Variants in P2RY12 observed in about 807,000 individuals in gnomAD.
P2RY12 encodes P2Y purinoceptor 12.
A neutral mutation model predicts 4.5 loss-of-function variants in P2RY12; 3 were observed. The observed-to-expected ratio is 0.67, with a 90% confidence interval of 0.31 to 1.74. The LOEUF (loss-of-function observed/expected upper bound fraction) is 1.74. Among genes scored for constraint, P2RY12 ranks in the 40% most tolerant of loss-of-function variants. P2RY12 has a pLI of 0.09. For missense variants in P2RY12, 356 were observed against 407.8 expected (o/e 0.87, Z 1.09); for synonymous variants, 148 against 154.1 (o/e 0.96, Z 0.29).
intron 1 of P2RY12, among the ~76,000 whole-genome samples, chr3:151,380,624 A>G (rs893291826): frequency 6.6e-6 from 1 of 151,496 alleles, no homozygotes; most frequent in African/African-American, 2.4e-5. Flanking sequence ...AACAACTAGT[A>G]AGGTTACAAA....
chr3:151,341,226 A>T (rs1271734880), intron 1 of P2RY12, among the ~76,000 whole-genome samples: 1 of 152,098 alleles, frequency 6.6e-6, no homozygotes, highest in Non-Finnish European at 1.5e-5. Context: ...CCCTTGGTTA[A>T]TAATGTCATT....
At chr3:151,376,565 G>C (rs1756877802) in intron 1 of P2RY12, among the ~76,000 whole-genome samples, 1 of 152,146 alleles carries the variant, frequency 6.6e-6, no homozygotes, top group East Asian at 1.9e-4. Context: ...TTTAGTTTCA[G>C]TGCATAGCTG....
intron 1 of P2RY12, among the ~76,000 whole-genome samples, chr3:151,345,504 C>T (rs201841274): frequency 6.9e-6 from 1 of 143,956 alleles, no homozygotes; most frequent in Non-Finnish European, 1.5e-5. Context: ...CGTTTTCTTT[C>T]TTTTTTCTTT....
At chr3:151,379,692 A>G (rs542787728) in intron 1 of P2RY12, among the ~76,000 whole-genome samples, 1 of 152,230 alleles carries the variant, frequency 6.6e-6, no homozygotes. Context: ...ACAGACATAT[A>G]TATAGGCCTG....
At chr3:151,360,723 C>T in intron 1 of P2RY12, 4 of 939,864 alleles carry the variant, frequency 4.3e-6, no homozygotes, top group South Asian at 1.7e-5. Flanking sequence ...ATCTATTAGG[C>T]AGTAATTTTG....
intron 1 of P2RY12, among the ~76,000 whole-genome samples, chr3:151,341,903 G>C (rs1322738631): frequency 5.9e-5 from 9 of 152,098 alleles, no homozygotes; most frequent in Non-Finnish European, 1.2e-4. Context: ...CAAAGGACAT[G>C]AACTCATCAT....
At chr3:151,344,111 T>C (rs149423230) in intron 1 of P2RY12, among the ~76,000 whole-genome samples, 481 of 152,230 alleles carry the variant, frequency 3.2e-3, no homozygotes, top group African/African-American at 0.011. Context: ...ATGCCGTCTT[T>C]TGTGACCTAG....
intron 1 of P2RY12, among the ~76,000 whole-genome samples, chr3:151,344,053 G>A (rs1165205371): frequency 3.3e-5 from 5 of 152,046 alleles, no homozygotes; most frequent in African/African-American, 1.2e-4. Flanking sequence ...ATACCAACAG[G>A]TTCCAAAAGT....
At chr3:151,378,942 T>G (rs1395712270) in intron 1 of P2RY12, among the ~76,000 whole-genome samples, 2 of 152,236 alleles carry the variant, frequency 1.3e-5, no homozygotes, top group Non-Finnish European at 2.9e-5. Flanking sequence ...AATCATGTGG[T>G]AGGTACTCTC....
chr3:151,364,536 C>T (rs942136649), intron 1 of P2RY12, among the ~76,000 whole-genome samples: 20 of 152,116 alleles, frequency 1.3e-4, no homozygotes, highest in African/African-American at 4.3e-4. Flanking sequence ...ACTTCTACTG[C>T]GTACACTATA....
intron 1 of P2RY12, chr3:151,365,143 A>ATCGC: frequency 6.2e-7 from 1 of 1,614,102 alleles, no homozygotes; most frequent in Non-Finnish European, 8.5e-7. Context: ...AATGCGGCCA[A>ATCGC]TCGCTACAGC....
chr3:151,350,067 T>C lies in P2RY12; in HGVS notation c.-179-9307A>G, dbSNP rs143033641. On this transcript the variant is annotated intron_variant, in intron 1 of 2. Transcript: ENST00000302632. ...CATTTTCTGTTTTTCAGGATGAATCTTCAAGTCATGAATGTAACCAGCGCA... is the reference window on the plus strand; with the variant it reads ...CATTTTCTGTTTTTCAGGATGAATCCTCAAGTCATGAATGTAACCAGCGCA... 1.9e-6 allele frequency: 3 copies of C among 1,609,876 alleles called. No individual in the cohort carries two copies. The African/African-American group carries it at 4.0e-5, about 22-fold the overall frequency.
At chr3:151,367,787 A>G (rs1273544574) in intron 1 of P2RY12, 3 of 1,591,766 alleles carry the variant, frequency 1.9e-6, no homozygotes, top group East Asian at 2.3e-5. Context: ...ATCCATGAAC[A>G]TCCGTTGCTC....
chr3:151,359,483 A>G (rs1754347874), intron 1 of P2RY12, among the ~76,000 whole-genome samples: 1 of 152,004 alleles, frequency 6.6e-6, no homozygotes, highest in South Asian at 2.1e-4. Context: ...CTGTGATTCC[A>G]TTGTCCTCCT....
intron 1 of P2RY12, among the ~76,000 whole-genome samples, chr3:151,373,560 G>GTT (rs200969717): frequency 1.0e-4 from 15 of 145,870 alleles, no homozygotes; most frequent in East Asian, 2.0e-4. Context: ...CAAAATGGTG[G>GTT]TTTTTTTTTT....
intron 1 of P2RY12, chr3:151,369,600 C>A: frequency 2.5e-6 from 3 of 1,184,516 alleles, no homozygotes; most frequent in Non-Finnish European, 3.7e-6. Flanking sequence ...GAAATGAAGG[C>A]AAAATAATTT....
rs1437000888 is a variant in P2RY12 at position 151,336,871 on chromosome 3, T to G, written c.*946A>C. ...GATTTAGAGTTTAATGTAAATTTTGTATTTTATACACACCAATACAAACAA... is the reference window on the plus strand; with the variant it reads ...GATTTAGAGTTTAATGTAAATTTTGGATTTTATACACACCAATACAAACAA... On this transcript the variant is annotated 3_prime_UTR_variant, in exon 3 of 3. Coordinates refer to ENST00000302632, the MANE Select transcript of P2RY12 (RefSeq NM_022788.5). The G allele has an allele frequency of 5.2e-6, 1 of 193,224 alleles. No homozygotes were observed. The highest frequency in any genetic ancestry group is 1.1e-5 in the Non-Finnish European group (1 of 93,036). 12.0% of individuals were successfully genotyped at this position (193,224 alleles called of 1,614,324 possible). A position where few individuals can be genotyped will look rare whatever the true frequency, so the allele number is the denominator to read the frequency against.
At chr3:151,357,406 T>A in intron 1 of P2RY12, 2 of 1,536,904 alleles carry the variant, frequency 1.3e-6, no homozygotes, top group Non-Finnish European at 1.8e-6. Context: ...TTGTTGTTTT[T>A]CCAATCTCAG....
chr3:151,380,259 T>C (rs1712012693), intron 1 of P2RY12: 1 of 1,349,198 alleles, frequency 7.4e-7, no homozygotes. Context: ...CAGGCAAATA[T>C]CTTTCTAACG....
Sources: allele counts gnomAD v4.1 joint callset (sites outside exome capture counted in the v4.1 genomes callset), GRCh38; gene constraint gnomAD v4.1.1; transcripts MANE v1.5; gene names NCBI Gene and HGNC (gene_info 2026-07-23, HGNC 2026-07-21).